Variants in RBFOX1 observed in about 807,000 individuals in gnomAD.
The protein encoded by RBFOX1 is RNA binding protein fox-1 homolog 1.
In RBFOX1, 8 loss-of-function variants were observed where a neutral mutation model predicts 57.7. The ratio of observed to expected loss-of-function variants is 0.14; its 90% CI spans 0.08 to 0.25. The LOEUF (loss-of-function observed/expected upper bound fraction) is 0.25. RBFOX1 is among the 10% of genes least tolerant of loss of function. The pLI is 1.00. For synonymous variants in RBFOX1, 326 were observed against 222.4 expected (o/e 1.47, Z -4.15); for missense variants, 611 against 548.5 (o/e 1.11, Z -1.14).
chr16:6,740,373 A>G (rs1052092144), intron 3 of RBFOX1, among the ~76,000 whole-genome samples: 4 of 152,340 alleles, frequency 2.6e-5, no homozygotes, highest in African/African-American at 7.2e-5. Context: ...TATTCAACAT[A>G]GTAGGGAATT....
intron 4 of RBFOX1, among the ~76,000 whole-genome samples, chr16:5,903,496 C>T (rs8050895): frequency 0.058 from 8,866 of 152,160 alleles, 834 homozygotes; most frequent in African/African-American, 0.2. Context: ...GTCCATAAAA[C>T]AACTTAAGCT....
intron 2 of RBFOX1, among the ~76,000 whole-genome samples, chr16:6,546,167 G>A (rs1302845101): frequency 1.3e-5 from 2 of 152,138 alleles, no homozygotes; most frequent in African/African-American, 4.8e-5. Context: ...GCCATGGGTT[G>A]GACAAGCTTG....
chr16:6,556,992 C>CATATAT (rs1351747272), intron 2 of RBFOX1, among the ~76,000 whole-genome samples: 4 of 139,968 alleles, frequency 2.9e-5, no homozygotes, highest in African/African-American at 7.9e-5. Context: ...CGTATATATA[C>CATATAT]ATACATATAT....
intron 4 of RBFOX1, among the ~76,000 whole-genome samples, chr16:7,153,490 A>C (rs62017090): frequency 0.092 from 14,043 of 151,942 alleles, 904 homozygotes; most frequent in Non-Finnish European, 0.13. Context: ...TAATCCCAGC[A>C]CTTTGGGAGG....
intron 3 of RBFOX1, among the ~76,000 whole-genome samples, chr16:6,853,315 A>ATGG (rs1039534615): frequency 3.9e-5 from 6 of 152,058 alleles, no homozygotes; most frequent in African/African-American, 1.4e-4. Flanking sequence ...TTCTATGAGG[A>ATGG]TGGTGGTGGT....
chr16:7,043,910 C>T (rs947376845), intron 3 of RBFOX1, among the ~76,000 whole-genome samples: 1 of 152,188 alleles, frequency 6.6e-6, no homozygotes, highest in Admixed American at 6.5e-5. Flanking sequence ...TACCTGGATA[C>T]ATTGTCTAAA....
intron 5 of RBFOX1, among the ~76,000 whole-genome samples, chr16:7,557,781 TTGG>T (rs1446340694): frequency 6.6e-6 from 1 of 151,888 alleles, no homozygotes; most frequent in Non-Finnish European, 1.5e-5. Flanking sequence ...AACAACTAGC[TTGG>T]TGGGGGAAGG....
At chr16:6,055,384 G>A (rs1277795638) in intron 1 of RBFOX1, among the ~76,000 whole-genome samples, 1 of 151,812 alleles carries the variant, frequency 6.6e-6, no homozygotes, top group African/African-American at 2.4e-5. Context: ...CTTGAGGTCA[G>A]GAGTTCTAGA....
intron 3 of RBFOX1, among the ~76,000 whole-genome samples, chr16:5,765,517 T>C (rs2053745277): frequency 6.6e-6 from 1 of 152,228 alleles, no homozygotes; most frequent in South Asian, 2.1e-4. Flanking sequence ...GGGCAAGGAC[T>C]TTGTCTAATT....
chr16:7,398,600 C>T (rs1314805900), intron 4 of RBFOX1, among the ~76,000 whole-genome samples: 5 of 152,244 alleles, frequency 3.3e-5, no homozygotes, highest in South Asian at 2.1e-4. Flanking sequence ...CCTTCAATCT[C>T]TCTAACATTT....
intron 3 of RBFOX1, among the ~76,000 whole-genome samples, chr16:6,831,152 A>C (rs904882234): frequency 6.6e-6 from 1 of 152,190 alleles, no homozygotes; most frequent in Admixed American, 6.5e-5. Context: ...GGTTTTGCTC[A>C]TTATAATTTC....
At chr16:6,586,848 A>G (rs145190104) in intron 2 of RBFOX1, among the ~76,000 whole-genome samples, 82 of 152,334 alleles carry the variant, frequency 5.4e-4, no homozygotes, top group African/African-American at 1.9e-3. Context: ...AGAAAGGGAA[A>G]AGGTTTCTTC....
At chr16:6,747,557 T>G (rs2074006533) in intron 3 of RBFOX1, among the ~76,000 whole-genome samples, 1 of 152,312 alleles carries the variant, frequency 6.6e-6, no homozygotes, top group Admixed American at 6.5e-5. Context: ...AGTATTCACA[T>G]AATCTCTGTT....
At chr16:6,156,051 C>A (rs1442031715) in intron 1 of RBFOX1, among the ~76,000 whole-genome samples, 1 of 152,172 alleles carries the variant, frequency 6.6e-6, no homozygotes, top group Non-Finnish European at 1.5e-5. Context: ...ATGAGGAGAT[C>A]TGCCTGAAGC....
intron 3 of RBFOX1, among the ~76,000 whole-genome samples, chr16:5,750,916 T>C (rs1387276863): frequency 6.6e-6 from 1 of 152,186 alleles, no homozygotes; most frequent in Non-Finnish European, 1.5e-5. Flanking sequence ...AACCCGGTAC[T>C]GGGAAATTCA....
rs35088351 is a variant in RBFOX1 at position 7,430,659 on chromosome 16, C to CAAA, written c.28-87474_28-87472dup. Reference sequence around the variant, plus strand: ...TGGGTGACAGAGTGAGACTCCATCTCAAAAAAAAAAAAAAAAGTACCCACC... The same window carrying CAAA: ...TGGGTGACAGAGTGAGACTCCATCTCAAAAAAAAAAAAAAAAAAAGTACCCACC... On this transcript the variant is annotated intron_variant, in intron 4 of 15. Coordinates refer to ENST00000550418, the MANE Select transcript of RBFOX1 (RefSeq NM_018723.4). 3.5e-3 allele frequency among the ~76,000 whole-genome samples: 479 copies of CAAA among 138,742 alleles called. 7 individuals carry two copies. Among genetic ancestry groups the CAAA allele is most frequent in the East Asian group, 0.016 (75 of 4,724 alleles). The allele number at this position is 138,742 out of a possible 152,430, so 91.0% of individuals were successfully genotyped here.
intron 1 of RBFOX1, among the ~76,000 whole-genome samples, chr16:6,057,402 T>G (rs2095627753): frequency 6.6e-6 from 1 of 152,032 alleles, no homozygotes; most frequent in Non-Finnish European, 1.5e-5. Flanking sequence ...CAGACTAAAT[T>G]TAATAAGATG....
At chr16:7,437,600 T>TA (rs2098733372) in intron 4 of RBFOX1, among the ~76,000 whole-genome samples, 1 of 152,094 alleles carries the variant, frequency 6.6e-6, no homozygotes, top group Non-Finnish European at 1.5e-5. Context: ...CCCGGCAACA[T>TA]AAAAATGGCT....
intron 4 of RBFOX1, among the ~76,000 whole-genome samples, chr16:7,324,644 G>C (rs1227441987): frequency 6.6e-6 from 1 of 152,218 alleles, no homozygotes; most frequent in Non-Finnish European, 1.5e-5. Flanking sequence ...GGAGAATCAG[G>C]TCAGGAAGCG....
Sources: gnomAD v4.1 joint callset for allele counts (sites outside exome capture counted in the v4.1 genomes callset) on GRCh38, gnomAD v4.1.1 for gene constraint, MANE v1.5 for transcripts, NCBI Gene and HGNC (gene_info 2026-07-23, HGNC 2026-07-21) for gene names.